Variants in CYYR1 observed in about 807,000 individuals in gnomAD.
CYYR1 encodes cysteine and tyrosine rich 1, also known as cysteine and tyrosine-rich protein 1.
Under a neutral mutation model 15.2 loss-of-function variants are expected in CYYR1, and 14 were observed. The observed-to-expected ratio is 0.92, with a 90% CI of 0.61 to 1.44. The LOEUF is 1.44. CYYR1 is among the 40% of genes most tolerant of loss of function. The pLI, the probability that CYYR1 is intolerant of heterozygous loss-of-function variation, is 0.00. For missense variants in CYYR1, 228 were observed against 209.5 expected, an observed-to-expected ratio of 1.09 and a Z score of -0.54; for synonymous variants, 80 against 77.4, an observed-to-expected ratio of 1.03 and a Z score of -0.18.
At chr21:26,503,786 C>T (rs2065514409) in intron 2 of CYYR1, 1 of 152,062 alleles carries the variant, frequency 6.6e-6, no homozygotes, top group African/African-American at 2.4e-5. Context: ...GTATAGGATG[C>T]AAAGGGGAAA....
chr21:26,510,500 A>G (rs1184480024), intron 2 of CYYR1, among the ~76,000 whole-genome samples: 1 of 152,208 alleles, frequency 6.6e-6, no homozygotes, highest in Non-Finnish European at 1.5e-5. Context: ...TTCATTCAAC[A>G]GTGAATGAAT....
intron 2 of CYYR1, among the ~76,000 whole-genome samples, chr21:26,496,241 A>G (rs948833088): frequency 6.6e-6 from 1 of 152,210 alleles, no homozygotes; most frequent in Non-Finnish European, 1.5e-5. Context: ...AAATATTTTC[A>G]CAAAGGGGTC....
At chr21:26,518,328 G>A (rs2065760598) in intron 2 of CYYR1, among the ~76,000 whole-genome samples, 1 of 152,208 alleles carries the variant, frequency 6.6e-6, no homozygotes, top group Non-Finnish European at 1.5e-5. Flanking sequence ...GGTATTGGGA[G>A]GTTGGGGCTT....
chr21:26,492,186 A>G (rs1004718039), intron 2 of CYYR1, among the ~76,000 whole-genome samples: 6 of 152,232 alleles, frequency 3.9e-5, no homozygotes, highest in African/African-American at 1.2e-4. Flanking sequence ...TGCTGCTAAT[A>G]CACAGCTCCA....
At chr21:26,488,240 A>ACTTC (rs71336135) in intron 2 of CYYR1, among the ~76,000 whole-genome samples, 36,934 of 139,138 alleles carry the variant, frequency 0.27, 5,062 homozygotes, top group African/African-American at 0.29. Flanking sequence ...ATCTTCCCCT[A>ACTTC]CTTCCTTCCT....
intron 3 of CYYR1, among the ~76,000 whole-genome samples, chr21:26,475,603 A>AAAC (rs543552220): frequency 1.8e-4 from 28 of 152,268 alleles, no homozygotes; most frequent in East Asian, 5.8e-4. Context: ...TCAATAAGAA[A>AAAC]AACAACAACA....
Position 26,573,087 on chromosome 21 carries a change from G to A in CYYR1, c.-147C>T. 1 of 1,534,912 alleles carries A rather than the reference G, an allele frequency of 6.5e-7. No homozygotes were observed. Among genetic ancestry groups the A allele is most frequent in the Non-Finnish European group, 8.7e-7 (1 of 1,144,510 alleles). ...GGCCATTGCCTAGGGAGCCTTCCAAGGGAGCCCGGGCCGGGCGCGTCCCGG... is the reference window on the plus strand; with the variant it reads ...GGCCATTGCCTAGGGAGCCTTCCAAAGGAGCCCGGGCCGGGCGCGTCCCGG... On this transcript the variant is annotated 5_prime_UTR_variant, in exon 1 of 4. Transcript: ENST00000652641.
At chr21:26,527,602 C>T (rs1368415108) in intron 2 of CYYR1, among the ~76,000 whole-genome samples, 2 of 152,090 alleles carry the variant, frequency 1.3e-5, no homozygotes, top group Non-Finnish European at 2.9e-5. Flanking sequence ...CATGAATATA[C>T]TCCATTTCAT....
chr21:26,495,217 G>C (rs150753), intron 2 of CYYR1, among the ~76,000 whole-genome samples: 1 of 152,066 alleles, frequency 6.6e-6, no homozygotes, highest in Admixed American at 6.6e-5. Flanking sequence ...TTCTGATCAC[G>C]TTAATGCAGA....
intron 2 of CYYR1, among the ~76,000 whole-genome samples, chr21:26,532,306 T>C (rs895172518): frequency 6.6e-6 from 1 of 152,142 alleles, no homozygotes; most frequent in African/African-American, 2.4e-5. Context: ...AAATGTGTGA[T>C]GGGCTTATTG....
chr21:26,562,759 C>CAG (rs768838613), intron 2 of CYYR1, among the ~76,000 whole-genome samples: 3 of 119,920 alleles, frequency 2.5e-5, no homozygotes, highest in African/African-American at 3.6e-5. Context: ...CACACACACA[C>CAG]AGAGACATAC....
chr21:26,527,318 T>C (rs2065879587), intron 2 of CYYR1, among the ~76,000 whole-genome samples: 1 of 152,202 alleles, frequency 6.6e-6, no homozygotes, highest in Non-Finnish European at 1.5e-5. Flanking sequence ...TTCTCAAGTA[T>C]TATGGCCTCT....
chr21:26,513,045 G>A (rs986710830), intron 2 of CYYR1, among the ~76,000 whole-genome samples: 4 of 152,118 alleles, frequency 2.6e-5, no homozygotes, highest in Non-Finnish European at 4.4e-5. Flanking sequence ...CTACCTCTGT[G>A]TCTTTGTTCA....
At position 26,573,027 on chromosome 21, in the gene CYYR1, G is replaced by A. The variant is rs781279668; in HGVS notation, c.-87C>T. On this transcript the variant is annotated 5_prime_UTR_variant, in exon 1 of 4. Transcript: ENST00000652641. ...GATGGAGGGCGATCAGATGGAGAGA[G>A]CAGCGCTCCTGAGAGCCGGGTGGAG... The A allele has an allele frequency of 1.2e-6, 2 of 1,607,354 alleles. No individual in the cohort carries two copies. Among genetic ancestry groups the A allele is most frequent in the Non-Finnish European group, 1.7e-6 (2 of 1,177,086 alleles).
intron 2 of CYYR1, among the ~76,000 whole-genome samples, chr21:26,562,016 A>C (rs1333614900): frequency 2.6e-5 from 4 of 152,194 alleles, no homozygotes; most frequent in African/African-American, 9.6e-5. Flanking sequence ...ATTAAATCTC[A>C]TTAGCAGCAA....
intron 2 of CYYR1, among the ~76,000 whole-genome samples, chr21:26,520,521 A>G (rs1293576685): frequency 6.6e-6 from 1 of 152,068 alleles, no homozygotes; most frequent in Non-Finnish European, 1.5e-5. Flanking sequence ...GCTATTGTAA[A>G]TAGTGCTTCA....
At chr21:26,523,636 A>G (rs1015456095) in intron 2 of CYYR1, among the ~76,000 whole-genome samples, 2 of 152,104 alleles carry the variant, frequency 1.3e-5, no homozygotes, top group Non-Finnish European at 2.9e-5. Context: ...TTATTGGACC[A>G]CCTCAAATTC....
At chr21:26,563,817 A>G (rs1437154575) in intron 2 of CYYR1, among the ~76,000 whole-genome samples, 1 of 152,186 alleles carries the variant, frequency 6.6e-6, no homozygotes, top group East Asian at 1.9e-4. Context: ...CAATTTGCAA[A>G]CACTCTAAAA....
intron 2 of CYYR1, among the ~76,000 whole-genome samples, chr21:26,516,959 C>G (rs2065735387): frequency 6.7e-6 from 1 of 149,854 alleles, no homozygotes; most frequent in African/African-American, 2.5e-5. Flanking sequence ...ACTAAAAATA[C>G]AAAAAATTAG....
Sources: gnomAD v4.1 joint callset for allele counts (sites outside exome capture counted in the v4.1 genomes callset) on GRCh38, gnomAD v4.1.1 for gene constraint, MANE v1.5 for transcripts, NCBI Gene and HGNC (gene_info 2026-07-23, HGNC 2026-07-21) for gene names.